Variants in PTPRK observed in about 807,000 individuals in gnomAD.
PTPRK encodes receptor-type tyrosine-protein phosphatase kappa.
In PTPRK, 75 loss-of-function variants were observed where a neutral mutation model predicts 178.0. The observed-to-expected ratio is 0.42, with a 90% CI of 0.35 to 0.51. PTPRK has a LOEUF of 0.51. Among genes scored for constraint, PTPRK ranks in the 20% least tolerant of loss-of-function variants. PTPRK has a pLI of 0.02. For missense variants in PTPRK, 1,441 were observed against 1,797.8 expected, an observed-to-expected ratio of 0.80 and a Z score of 3.59; for synonymous variants, 637 against 620.6, an observed-to-expected ratio of 1.03 and a Z score of -0.39.
intron 5 of PTPRK, among the ~76,000 whole-genome samples, chr6:128,228,490 CAA>C (rs1173094515): frequency 8.9e-4 from 67 of 74,960 alleles, no homozygotes; most frequent in Middle Eastern, 0.014. Context: ...ACTAAAAATA[CAA>C]AAAAAAAAAA....
At chr6:127,975,228 C>T (rs1485076522) in intron 27 of PTPRK, among the ~76,000 whole-genome samples, 1 of 152,084 alleles carries the variant, frequency 6.6e-6, no homozygotes, top group Non-Finnish European at 1.5e-5. Flanking sequence ...ACATAAACTG[C>T]TCAATTAACA....
At chr6:128,265,215 T>G (rs867807188) in intron 3 of PTPRK, among the ~76,000 whole-genome samples, 11 of 152,190 alleles carry the variant, frequency 7.2e-5, no homozygotes, top group Admixed American at 1.3e-4. Context: ...CCGATATACC[T>G]TGTCCTACTC....
intron 11 of PTPRK, among the ~76,000 whole-genome samples, chr6:128,075,752 TATA>T (rs758633067): frequency 2.6e-5 from 4 of 152,064 alleles, no homozygotes; most frequent in Non-Finnish European, 5.9e-5. Context: ...GAAAACTCTA[TATA>T]ACAAGATTTT....
At chr6:127,977,159 A>G in intron 25 of PTPRK, 105 bp from the exon 26 acceptor site, 1 of 1,137,076 alleles carries the variant, frequency 8.8e-7, no homozygotes, top group Non-Finnish European at 1.3e-6. Flanking sequence ...AAGATGCAAT[A>G]GCTTCATATG....
Position 128,067,647 on chromosome 6 carries a change from C to T in PTPRK, c.2029G>A (p.Gly677Arg), listed in dbSNP as rs1237649529. ...PYYFAAELPP[G>R]NLPEPAPFTV... Reference sequence around the variant, plus strand: ...AACGGGGCAGGCTCAGGTAGGTTTCCCGGGGGGAGTTCTGCAGCAAAGTAA... The same window carrying T: ...AACGGGGCAGGCTCAGGTAGGTTTCTCGGGGGGAGTTCTGCAGCAAAGTAA... The change falls in exon 12 of 30, where the codon GGA becomes AGA. Residue 677 changes from glycine to arginine, a missense_variant. Transcript: ENST00000368226. 2.5e-6 allele frequency: 4 copies of T among 1,613,564 alleles called. No individual in the cohort carries two copies. In the Admixed American group the frequency reaches 5.0e-5, roughly 20 times the overall value.
chr6:128,380,054 G>A (rs1298911633), intron 2 of PTPRK, among the ~76,000 whole-genome samples: 1 of 151,996 alleles, frequency 6.6e-6, no homozygotes, highest in East Asian at 1.9e-4. Context: ...GGATGAAGGG[G>A]ATTTTCCAAA....
intron 13 of PTPRK, among the ~76,000 whole-genome samples, chr6:128,027,309 T>C (rs1774475013): frequency 6.6e-6 from 1 of 152,218 alleles, no homozygotes; most frequent in Non-Finnish European, 1.5e-5. Flanking sequence ...AAGGTATTTA[T>C]TGCCCGGGAA....
intron 2 of PTPRK, among the ~76,000 whole-genome samples, chr6:128,342,621 C>T (rs1241067967): frequency 6.6e-6 from 1 of 151,188 alleles, no homozygotes; most frequent in African/African-American, 2.4e-5. Context: ...CCCTGAATAG[C>T]AGTGTGCTGG....
At chr6:128,244,106 A>T (rs1815021916) in intron 3 of PTPRK, among the ~76,000 whole-genome samples, 1 of 152,190 alleles carries the variant, frequency 6.6e-6, no homozygotes, top group Non-Finnish European at 1.5e-5. Flanking sequence ...TGCTGTCAGG[A>T]TTCCTTCTCA....
chr6:128,277,395 A>AT (rs1355928147), intron 3 of PTPRK, among the ~76,000 whole-genome samples: 1 of 152,196 alleles, frequency 6.6e-6, no homozygotes, highest in African/African-American at 2.4e-5. Context: ...TAAGAAAATG[A>AT]TTGTCTTTTG....
intron 2 of PTPRK, among the ~76,000 whole-genome samples, chr6:128,352,436 T>C (rs1338763010): frequency 6.6e-6 from 1 of 152,070 alleles, no homozygotes; most frequent in African/African-American, 2.4e-5. Context: ...CACTGTACAG[T>C]CCAGATTTGA....
chr6:128,072,309 T>G (rs979139828), intron 11 of PTPRK, among the ~76,000 whole-genome samples: 2 of 152,030 alleles, frequency 1.3e-5, no homozygotes, highest in African/African-American at 4.8e-5. Flanking sequence ...ATGATGGGGT[T>G]ATGTCCCAAT....
At chr6:128,114,443 T>A (rs1355298230) in intron 7 of PTPRK, among the ~76,000 whole-genome samples, 2 of 151,454 alleles carry the variant, frequency 1.3e-5, no homozygotes, top group Admixed American at 6.6e-5. Context: ...CATGGTGAAA[T>A]CCTGTATCTA....
At chr6:128,148,748 T>G (rs867835201) in intron 7 of PTPRK, among the ~76,000 whole-genome samples, 1 of 152,116 alleles carries the variant, frequency 6.6e-6, no homozygotes, top group Non-Finnish European at 1.5e-5. Flanking sequence ...CTTTGCAAAC[T>G]TTTAAAACAT....
chr6:127,991,526 T>G, intron 19 of PTPRK, 135 bp from the exon 20 acceptor site: 1 of 518,440 alleles, frequency 1.9e-6, no homozygotes, highest in Non-Finnish European at 3.1e-6. Flanking sequence ...TGAAAATACT[T>G]AAATTCAGTT....
intron 1 of PTPRK, among the ~76,000 whole-genome samples, chr6:128,516,349 C>T (rs1055563422): frequency 3.3e-5 from 5 of 152,042 alleles, no homozygotes; most frequent in African/African-American, 1.2e-4. Context: ...AACTACATCT[C>T]ACGACCTAGG....
At chr6:128,003,544 A>C (rs1480255440) in intron 15 of PTPRK, among the ~76,000 whole-genome samples, 1 of 151,888 alleles carries the variant, frequency 6.6e-6, no homozygotes, top group Admixed American at 6.6e-5. Flanking sequence ...TATTTAAAGA[A>C]ATAATTATCT....
intron 6 of PTPRK, among the ~76,000 whole-genome samples, chr6:128,185,510 T>C (rs1802610226): frequency 1.3e-5 from 2 of 152,118 alleles, no homozygotes; most frequent in South Asian, 2.1e-4. Context: ...CCGAACTTTA[T>C]GAAGGACTCA....
chr6:128,481,266 G>T (rs1379767941), intron 1 of PTPRK, among the ~76,000 whole-genome samples: 4 of 151,984 alleles, frequency 2.6e-5, no homozygotes, highest in Non-Finnish European at 4.4e-5. Context: ...AATTATTTAG[G>T]TTCAACTGTT....
Sources: allele counts gnomAD v4.1 joint callset (sites outside exome capture counted in the v4.1 genomes callset), GRCh38; gene constraint gnomAD v4.1.1; transcripts MANE v1.5; gene names NCBI Gene and HGNC (gene_info 2026-07-23, HGNC 2026-07-21).